The following SDK1 variants were observed in gnomAD, a reference collection of about 807,000 sequenced individuals.
SDK1 encodes sidekick cell adhesion molecule 1.
SDK1 carries 157 observed loss-of-function variants against 245.5 expected under a neutral mutation model. The ratio of observed to expected loss-of-function variants is 0.64; its 90% CI spans 0.56 to 0.73. SDK1 has a LOEUF of 0.73. SDK1 is among the 30% of genes least tolerant of loss of function. The pLI is 0.00. For synonymous variants in SDK1, 1,647 were observed against 1,278.5 expected, an observed-to-expected ratio of 1.29 and a Z score of -6.15; for missense variants, 3,583 against 3,002.3, an observed-to-expected ratio of 1.19 and a Z score of -4.52.
chr7:4,003,535 C>G (rs1170525882), intron 14 of SDK1, among the ~76,000 whole-genome samples: 3 of 152,190 alleles, frequency 2.0e-5, no homozygotes, highest in Non-Finnish European at 4.4e-5. Flanking sequence ...TAGAACGTCA[C>G]TCAATCGGGA....
intron 1 of SDK1, among the ~76,000 whole-genome samples, chr7:3,560,805 C>G (rs531309466): frequency 1.7e-3 from 254 of 152,310 alleles, no homozygotes; most frequent in African/African-American, 6.0e-3. Flanking sequence ...TCTCTGGCCT[C>G]TTTCCTGTTC....
chr7:3,458,787 T>C (rs1263616308), intron 1 of SDK1, among the ~76,000 whole-genome samples: 4 of 152,174 alleles, frequency 2.6e-5, no homozygotes, highest in African/African-American at 9.6e-5. Context: ...GGACTCTTTC[T>C]ACTTGCTCCA....
Position 4,101,580 on chromosome 7 carries a change from T to G in SDK1, c.3325-9083T>G, listed in dbSNP as rs181269627. Among the ~76,000 whole-genome samples the G allele has an allele frequency of 2.0e-3, 300 of 152,306 alleles. 3 individuals carry two copies. The highest frequency in any genetic ancestry group is 3.4e-3 in the Middle Eastern group (1 of 294). On this transcript the variant is annotated intron_variant, in intron 22 of 44. Coordinates refer to ENST00000404826, the MANE Select transcript of SDK1 (RefSeq NM_152744.4). ...AGGCTGTGGAGGAGACCCCACCATG[T>G]GCAGCAGGGGAGGGGTGACAGAAGG...
chr7:3,610,546 CTG>C (rs1047282233), intron 1 of SDK1, among the ~76,000 whole-genome samples: 1 of 152,192 alleles, frequency 6.6e-6, no homozygotes, highest in African/African-American at 2.4e-5. Context: ...ATTTATCCCA[CTG>C]TGTCTTATTA....
At chr7:3,902,530 T>A (rs1399681898) in intron 5 of SDK1, among the ~76,000 whole-genome samples, 2 of 152,222 alleles carry the variant, frequency 1.3e-5, no homozygotes, top group African/African-American at 2.4e-5. Context: ...CTTTCTTGCC[T>A]TAATTTTTTT....
At chr7:4,209,327 C>T (rs975161412) in intron 37 of SDK1, among the ~76,000 whole-genome samples, 4 of 152,132 alleles carry the variant, frequency 2.6e-5, no homozygotes, top group Non-Finnish European at 4.4e-5. Flanking sequence ...TTCTGAGCAG[C>T]GAGGGGCACC....
At chr7:3,863,157 C>T (rs1467631378) in intron 5 of SDK1, among the ~76,000 whole-genome samples, 4 of 152,198 alleles carry the variant, frequency 2.6e-5, no homozygotes, top group Non-Finnish European at 4.4e-5. Context: ...GAGCCATTCA[C>T]TTCTGTTCCA....
intron 32 of SDK1, among the ~76,000 whole-genome samples, chr7:4,165,563 C>T (rs1781451304): frequency 6.6e-6 from 1 of 152,080 alleles, no homozygotes; most frequent in African/African-American, 2.4e-5. Flanking sequence ...GATCTCGGCT[C>T]ACTGCAACCT....
chr7:4,173,756 G>T (rs1781997921), intron 32 of SDK1, among the ~76,000 whole-genome samples: 1 of 152,198 alleles, frequency 6.6e-6, no homozygotes, highest in Non-Finnish European at 1.5e-5. Flanking sequence ...CCTGGCATGG[G>T]GAGGCATCAG....
intron 4 of SDK1, among the ~76,000 whole-genome samples, chr7:3,818,949 C>T (rs904466135): frequency 4.6e-5 from 7 of 152,078 alleles, no homozygotes; most frequent in East Asian, 1.9e-4. Flanking sequence ...ATGGTTGCCA[C>T]GACAAAATCA....
intron 4 of SDK1, among the ~76,000 whole-genome samples, chr7:3,775,575 C>CTTTT (rs557596485): frequency 7.2e-6 from 1 of 138,662 alleles, no homozygotes; most frequent in African/African-American, 2.7e-5. Context: ...CTTTTTTTTT[C>CTTTT]TTTTTTTTTT....
intron 34 of SDK1, among the ~76,000 whole-genome samples, chr7:4,176,741 T>A (rs1254831840): frequency 1.3e-5 from 2 of 152,194 alleles, no homozygotes; most frequent in African/African-American, 4.8e-5. Flanking sequence ...ATGTAGTATT[T>A]GTCTTTTTGT....
chr7:4,093,458 C>CA (rs71032922), intron 22 of SDK1, among the ~76,000 whole-genome samples: 2,676 of 77,438 alleles, frequency 0.035, 40 homozygotes, highest in East Asian at 0.068. Flanking sequence ...AAATGGAAAG[C>CA]AAAAAAAAAA....
intron 5 of SDK1, among the ~76,000 whole-genome samples, chr7:3,858,155 T>G (rs1780591844): frequency 6.6e-6 from 1 of 152,162 alleles, no homozygotes; most frequent in Non-Finnish European, 1.5e-5. Flanking sequence ...TGAGGTAAAT[T>G]TGTACATATG....
At chr7:4,123,575 T>C (rs1263021498) in intron 25 of SDK1, among the ~76,000 whole-genome samples, 1 of 152,182 alleles carries the variant, frequency 6.6e-6, no homozygotes, top group Non-Finnish European at 1.5e-5. Flanking sequence ...TTTGGAGAAC[T>C]GAGCAAACTT....
chr7:3,808,232 C>T (rs535811829), intron 4 of SDK1, among the ~76,000 whole-genome samples: 2 of 152,260 alleles, frequency 1.3e-5, no homozygotes, highest in South Asian at 2.1e-4. Context: ...GAGGGCAGAG[C>T]AGAAGCTTTG....
intron 19 of SDK1, among the ~76,000 whole-genome samples, chr7:4,056,547 C>G (rs6972327): frequency 0.25 from 38,734 of 152,034 alleles, 7,357 homozygotes; most frequent in African/African-American, 0.54. Flanking sequence ...GGAACCCAGA[C>G]AGGTTCCCCA....
At chr7:3,940,808 T>A (rs1780337146) in intron 5 of SDK1, among the ~76,000 whole-genome samples, 1 of 150,184 alleles carries the variant, frequency 6.7e-6, no homozygotes, top group Non-Finnish European at 1.5e-5. Context: ...GTGACAAAAA[T>A]AATAATAATA....
intron 1 of SDK1, among the ~76,000 whole-genome samples, chr7:3,369,356 A>T (rs1490976293): frequency 6.6e-6 from 1 of 152,160 alleles, no homozygotes; most frequent in African/African-American, 2.4e-5. Flanking sequence ...GTAAATTCTT[A>T]CTGAAACAGT....
Sources: allele counts gnomAD v4.1 joint callset (sites outside exome capture counted in the v4.1 genomes callset), GRCh38; gene constraint gnomAD v4.1.1; transcripts MANE v1.5; gene names NCBI Gene and HGNC (gene_info 2026-07-23, HGNC 2026-07-21).